Variants in PRKAG2 observed in about 807,000 individuals in gnomAD.
PRKAG2 encodes the protein 5'-AMP-activated protein kinase subunit gamma-2.
In PRKAG2, 26 loss-of-function variants were observed where a neutral mutation model predicts 69.6. The observed-to-expected ratio is 0.37, with a 90% confidence interval of 0.27 to 0.52. The LOEUF is 0.52. PRKAG2 is among the 20% of genes least tolerant of loss of function. The pLI, the probability that PRKAG2 is intolerant of heterozygous loss-of-function variation, is 0.90. For missense variants in PRKAG2, 557 were observed against 740.0 expected (o/e 0.75, Z 2.87); for synonymous variants, 293 against 285.0 (o/e 1.03, Z -0.28).
intron 3 of PRKAG2, among the ~76,000 whole-genome samples, chr7:151,736,928 G>A (rs1344954584): frequency 6.6e-6 from 1 of 152,132 alleles, no homozygotes; most frequent in Non-Finnish European, 1.5e-5. Context: ...AGATCCTGTC[G>A]CCAATGGTAG....
chr7:151,819,893 G>A (rs2078729105), intron 1 of PRKAG2, among the ~76,000 whole-genome samples: 1 of 152,176 alleles, frequency 6.6e-6, no homozygotes, highest in African/African-American at 2.4e-5. Context: ...CCCAATCAGG[G>A]ACCCACCTCT....
chr7:151,864,047 T>A (rs997890229), intron 1 of PRKAG2, among the ~76,000 whole-genome samples: 4 of 152,134 alleles, frequency 2.6e-5, no homozygotes, highest in African/African-American at 9.7e-5. Flanking sequence ...TTGCCACATC[T>A]AGAGGAGAGG....
chr7:151,758,890 G>A (rs934740998), intron 3 of PRKAG2, among the ~76,000 whole-genome samples: 1 of 152,208 alleles, frequency 6.6e-6, no homozygotes, highest in Non-Finnish European at 1.5e-5. Context: ...GGCAAGACTT[G>A]AAGGAGGTCT....
chr7:151,832,235 A>AGGAGGAGGGAAGGGAG (rs2079044998), intron 1 of PRKAG2, among the ~76,000 whole-genome samples: 3 of 105,952 alleles, frequency 2.8e-5, no homozygotes, highest in African/African-American at 1.3e-4. Context: ...AGGGAAGGAG[A>AGGAGGAGGGAAGGGAG]GGAGGAGGGA....
intron 3 of PRKAG2, among the ~76,000 whole-genome samples, chr7:151,710,947 T>C (rs1165546711): frequency 6.6e-6 from 1 of 152,084 alleles, no homozygotes; most frequent in African/African-American, 2.4e-5. Context: ...CTAACAGTGC[T>C]AGGCATATGG....
intron 4 of PRKAG2, among the ~76,000 whole-genome samples, chr7:151,651,117 C>T (rs1395136072): frequency 6.6e-6 from 1 of 152,130 alleles, no homozygotes; most frequent in South Asian, 2.1e-4. Context: ...GTGTCTGCCA[C>T]GATGAGCTTG....
At chr7:151,720,349 G>A (rs1441126746) in intron 3 of PRKAG2, among the ~76,000 whole-genome samples, 3 of 151,928 alleles carry the variant, frequency 2.0e-5, no homozygotes, top group Admixed American at 6.6e-5. Flanking sequence ...CCCTAGATAG[G>A]AGAGTCTACC....
intron 3 of PRKAG2, among the ~76,000 whole-genome samples, chr7:151,683,220 C>T (rs1236635759): frequency 6.6e-6 from 1 of 152,192 alleles, no homozygotes; most frequent in African/African-American, 2.4e-5. Flanking sequence ...TTCACAGGGC[C>T]TGGCCCTGCT....
chr7:151,576,383 G>A lies in PRKAG2; in HGVS notation c.934C>T (p.Gln312Ter), dbSNP rs890773505. Reference sequence around the variant, plus strand: ...CCACACTGCTTACCTACAAAACTTTGTTTTTTACTCTCCCACAGTGGCGCT... The same window carrying A: ...CCACACTGCTTACCTACAAAACTTTATTTTTTACTCTCCCACAGTGGCGCT... Reference protein sequence around the residue: ...RAAPLWESKKQSFVGMLTITD... With the variant: ...RAAPLWESKK Residue 312 changes from glutamine (Q) to a stop codon, truncating the protein, a stop_gained, in exon 7 of 16, where the codon CAA becomes TAA. Transcript: ENST00000287878. LOFTEE classifies it high-confidence loss of function. The A allele has an allele frequency of 6.2e-7, 1 of 1,607,766 alleles. No individual in the cohort carries two copies. The highest frequency in any genetic ancestry group is 8.5e-7 in the Non-Finnish European group (1 of 1,174,484).
intron 1 of PRKAG2, among the ~76,000 whole-genome samples, chr7:151,793,599 G>A (rs557725660): frequency 6.6e-6 from 1 of 152,306 alleles, no homozygotes; most frequent in East Asian, 1.9e-4. Context: ...CTCAGTCACT[G>A]CCCGGGGAGT....
rs557486912 is a variant in PRKAG2 at position 151,877,078 on chromosome 7, G to A, written c.-458C>T. 2 of 232,206 alleles carry A rather than the reference G, an allele frequency of 8.6e-6. No homozygotes were observed. Among genetic ancestry groups the A allele is most frequent in the East Asian group, 1.1e-4 (1 of 9,212 alleles). 14.4% of individuals were successfully genotyped at this position (232,206 alleles called of 1,614,324 possible). A position where few individuals can be genotyped will look rare whatever the true frequency, so the allele number is the denominator to read the frequency against. On this transcript the variant is annotated 5_prime_UTR_variant, in exon 1 of 16. Coordinates refer to ENST00000287878, the MANE Select transcript of PRKAG2 (RefSeq NM_016203.4). Reference sequence around the variant, plus strand: ...CAAGTGGGGAATCTGGAACCAGTAAGCCCGTTCGTGCATAAATGTAATCCT... The same window carrying A: ...CAAGTGGGGAATCTGGAACCAGTAAACCCGTTCGTGCATAAATGTAATCCT...
At chr7:151,665,825 T>C (rs1830974092) in intron 4 of PRKAG2, among the ~76,000 whole-genome samples, 1 of 152,214 alleles carries the variant, frequency 6.6e-6, no homozygotes, top group South Asian at 2.1e-4. Flanking sequence ...TCTTTAACTG[T>C]TCCTTAATGT....
At chr7:151,685,165 T>C (rs547383015) in intron 3 of PRKAG2, among the ~76,000 whole-genome samples, 10 of 152,156 alleles carry the variant, frequency 6.6e-5, no homozygotes, top group Non-Finnish European at 1.3e-4. Flanking sequence ...GGCGAGGTCA[T>C]CTTCAAGACC....
chr7:151,587,770 C>T lies in PRKAG2; in HGVS notation c.864+7575G>A, dbSNP rs114453222. ...TGTCCCACCTAAGGAGGCATGATGA[C>T]GAGACGTGATGGGGTAACCTAGATG... On this transcript the variant is annotated intron_variant, in intron 6 of 15. Transcript: ENST00000287878. 3.1e-3 allele frequency among the ~76,000 whole-genome samples: 467 copies of T among 152,200 alleles called. 3 individuals carry two copies. The highest frequency in any genetic ancestry group is 0.011 in the African/African-American group (445 of 41,514).
At chr7:151,659,554 C>T (rs188622324) in intron 4 of PRKAG2, among the ~76,000 whole-genome samples, 10 of 152,284 alleles carry the variant, frequency 6.6e-5, no homozygotes, top group Admixed American at 2.6e-4. Flanking sequence ...ACATGGTGAC[C>T]GGGCAGACAG....
chr7:151,694,716 C>T (rs1302773085), intron 3 of PRKAG2, among the ~76,000 whole-genome samples: 2 of 152,230 alleles, frequency 1.3e-5, no homozygotes, highest in Non-Finnish European at 2.9e-5. Context: ...GCTTTGCCAT[C>T]GCTTTGCTAT....
At chr7:151,604,635 C>T (rs1360456246) in intron 5 of PRKAG2, among the ~76,000 whole-genome samples, 2 of 151,452 alleles carry the variant, frequency 1.3e-5, no homozygotes, top group African/African-American at 2.4e-5. Flanking sequence ...AAGACTCTGT[C>T]ACACACACAT....
At chr7:151,872,075 A>G (rs1434311569) in intron 1 of PRKAG2, among the ~76,000 whole-genome samples, 1 of 152,164 alleles carries the variant, frequency 6.6e-6, no homozygotes, top group African/African-American at 2.4e-5. Flanking sequence ...GTGATTCCCC[A>G]TGGACGTGCT....
chr7:151,604,481 A>T (rs1817003050), intron 5 of PRKAG2, among the ~76,000 whole-genome samples: 1 of 141,462 alleles, frequency 7.1e-6, no homozygotes, highest in Non-Finnish European at 1.5e-5. Flanking sequence ...TACAAAACAT[A>T]AAAAAAATTA....
Sources: gnomAD v4.1 joint callset for allele counts (sites outside exome capture counted in the v4.1 genomes callset) on GRCh38, gnomAD v4.1.1 for gene constraint, MANE v1.5 for transcripts, NCBI Gene and HGNC (gene_info 2026-07-23, HGNC 2026-07-21) for gene names.